Variants in CD109 observed in about 807,000 individuals in gnomAD.
CD109 encodes CD109 molecule.
CD109 carries 149 observed loss-of-function variants against 165.8 expected under a neutral mutation model. The observed-to-expected ratio is 0.90, with a 90% confidence interval of 0.79 to 1.03. CD109 has a LOEUF of 1.03. CD109 is among the 50% of genes least tolerant of loss of function. The pLI is 0.00. For missense variants in CD109, 1,712 were observed against 1,677.8 expected (o/e 1.02, Z -0.36); for synonymous variants, 585 against 592.1 (o/e 0.99, Z 0.18).
In CD109 at chr6:73,763,626, A is replaced by G. The variant is rs912040605; in HGVS notation, c.1048A>G (p.Ile350Val). 6.3e-6 allele frequency: 10 copies of G among 1,597,246 alleles called. No homozygotes were observed. Among genetic ancestry groups the G allele is most frequent in the Middle Eastern group, 1.7e-4 (1 of 6,018 alleles). Residue 350 changes from isoleucine (I) to valine (V), a missense_variant, in exon 10 of 33, where the codon ATC becomes GTC. Coordinates refer to ENST00000287097, the MANE Select transcript of CD109 (RefSeq NM_133493.5). ...TNVFFKQHDY[I>V]IEFFDYTTVL... Reference sequence around the variant, plus strand: ...TGTGTTCTTCAAGCAACATGATTACATCATTGAGTTTTTTGATTATACTAC... The same window carrying G: ...TGTGTTCTTCAAGCAACATGATTACGTCATTGAGTTTTTTGATTATACTAC...
intron 15 of CD109, among the ~76,000 whole-genome samples, chr6:73,778,440 A>G (rs754009235): frequency 1.2e-4 from 18 of 152,056 alleles, no homozygotes; most frequent in Non-Finnish European, 2.1e-4. Flanking sequence ...TTCTAGTACT[A>G]TGTTGAATAG....
chr6:73,707,962 T>TCTATATATA (rs1771349408), intron 2 of CD109, among the ~76,000 whole-genome samples: 1 of 126,820 alleles, frequency 7.9e-6, no homozygotes, highest in South Asian at 2.6e-4. Context: ...ATTGTTATCT[T>TCTATATATA]TATATATATA....
At chr6:73,812,106 T>TCGCCGTA in intron 28 of CD109, 99 bp from the exon 29 acceptor site, 1 of 707,486 alleles carries the variant, frequency 1.4e-6, no homozygotes, top group South Asian at 2.1e-5. Context: ...CAGTGATTGC[T>TCGCCGTA]TCTTTTCCTA....
In CD109 at chr6:73,758,901, T is replaced by C. The variant is rs931317273; in HGVS notation, c.674-43T>C. On this transcript the variant is annotated intron_variant, in intron 6 of 32. Coordinates refer to ENST00000287097, the MANE Select transcript of CD109 (RefSeq NM_133493.5). Reference sequence around the variant, plus strand: ...TAAAAGATTTACCCTTGCTTCTTCGTCTCAAAAAGAAAAAAAGATTTACCC... The same window carrying C: ...TAAAAGATTTACCCTTGCTTCTTCGCCTCAAAAAGAAAAAAAGATTTACCC... 3 of 1,044,252 alleles carry C rather than the reference T, an allele frequency of 2.9e-6. No homozygotes were observed. In the African/African-American group the frequency reaches 4.7e-5, roughly 16 times the overall value. 64.7% of individuals were successfully genotyped at this position (1,044,252 alleles called of 1,614,324 possible).
intron 28 of CD109, among the ~76,000 whole-genome samples, chr6:73,811,434 T>G (rs1470803767): frequency 6.6e-6 from 1 of 152,148 alleles, no homozygotes; most frequent in African/African-American, 2.4e-5. Context: ...TGTGCTAGAT[T>G]ACTTTACGTA....
At chr6:73,721,615 C>T (rs1004156436) in intron 2 of CD109, among the ~76,000 whole-genome samples, 4 of 152,106 alleles carry the variant, frequency 2.6e-5, no homozygotes, top group African/African-American at 2.4e-5. Context: ...CCACCCGCCT[C>T]GGCCTCCCAA....
the CD109 span, among the ~76,000 whole-genome samples, chr6:73,684,320 G>A: frequency 6.6e-6 from 1 of 150,596 alleles, no homozygotes; most frequent in African/African-American, 2.4e-5. Flanking sequence ...CTCAGGCTCA[G>A]ATGATCCTCC....
At position 73,717,871 on chromosome 6, in the gene CD109, G is replaced by A. The variant is rs576551839; in HGVS notation, c.248-5380G>A. On this transcript the variant is annotated intron_variant, in intron 2 of 32. Coordinates refer to ENST00000287097, the MANE Select transcript of CD109 (RefSeq NM_133493.5). ...CCTGACCTCGTGATCCGCCCACCTCGGCCTCCCAAAGTGCTGGGATTACAG... is the reference window on the plus strand; with the variant it reads ...CCTGACCTCGTGATCCGCCCACCTCAGCCTCCCAAAGTGCTGGGATTACAG... Among the ~76,000 whole-genome samples, 104 of 151,654 alleles carry A rather than the reference G, an allele frequency of 6.9e-4. 1 individual carries two copies. Among genetic ancestry groups the A allele is most frequent in the African/African-American group, 2.3e-3 (94 of 41,408 alleles).
intron 14 of CD109, among the ~76,000 whole-genome samples, chr6:73,769,696 A>G (rs1449844320): frequency 6.6e-6 from 1 of 152,242 alleles, no homozygotes; most frequent in Non-Finnish European, 1.5e-5. Context: ...AGGAGCGGCA[A>G]GAGATTTAGG....
At chr6:73,751,549 G>T (rs1165916242) in intron 5 of CD109, among the ~76,000 whole-genome samples, 1 of 152,108 alleles carries the variant, frequency 6.6e-6, no homozygotes, top group Non-Finnish European at 1.5e-5. Flanking sequence ...TGCTTTCTCT[G>T]ATCCTGAACA....
At chr6:73,762,312 A>G in intron 7 of CD109, 72 bp from the exon 8 acceptor site, 1 of 972,012 alleles carries the variant, frequency 1.0e-6, no homozygotes, top group Non-Finnish European at 1.6e-6. Context: ...TATGCTATTG[A>G]AAGTAGTATT....
chr6:73,770,357 C>T lies in CD109; in HGVS notation c.1675-1072C>T, dbSNP rs77507153. On this transcript the variant is annotated intron_variant, in intron 14 of 32. Transcript: ENST00000287097. Reference sequence around the variant, plus strand: ...AGGAAGAAGCCTGTCTTTGTAAAGTCGAGTCAACTTGAGGGGAATGTTAAG... The same window carrying T: ...AGGAAGAAGCCTGTCTTTGTAAAGTTGAGTCAACTTGAGGGGAATGTTAAG... 7.2e-3 allele frequency among the ~76,000 whole-genome samples: 1,100 copies of T among 152,300 alleles called. 6 individuals are homozygous for T. Among genetic ancestry groups the T allele is most frequent in the Middle Eastern group, 0.058 (17 of 294 alleles).
chr6:73,775,199 G>C (rs1473782368), intron 15 of CD109, among the ~76,000 whole-genome samples: 1 of 151,476 alleles, frequency 6.6e-6, no homozygotes, highest in Admixed American at 6.6e-5. Context: ...ATATATATAT[G>C]TATATATGTA....
chr6:73,744,916 A>G lies in CD109; in HGVS notation c.633+8408A>G, dbSNP rs76004863. On this transcript the variant is annotated intron_variant, in intron 5 of 32. Transcript: ENST00000287097. ...GTACATAGGATAGGGACTCAGTGCTATAGATGATCTTAGAGGTCGCCTAGA... is the reference window on the plus strand; with the variant it reads ...GTACATAGGATAGGGACTCAGTGCTGTAGATGATCTTAGAGGTCGCCTAGA... Among the ~76,000 whole-genome samples the G allele has an allele frequency of 2.3e-3, 345 of 152,308 alleles. 7 individuals carry two copies. In the East Asian group the frequency reaches 0.042, roughly 18 times the overall value.
At chr6:73,816,874 C>T (rs1313066941) in intron 30 of CD109, among the ~76,000 whole-genome samples, 1 of 152,142 alleles carries the variant, frequency 6.6e-6, no homozygotes, top group Admixed American at 6.6e-5. Context: ...AGAATTCAGA[C>T]TGTGAAGAGG....
rs181190816 is a variant in CD109 at position 73,768,835 on chromosome 6, T to C, written c.1674+604T>C. On this transcript the variant is annotated intron_variant, in intron 14 of 32. Coordinates refer to ENST00000287097, the MANE Select transcript of CD109 (RefSeq NM_133493.5). ...AAAGAAACCTGATTGCATCATCTCA[T>C]GTATATAAGAATGAGCCATTGCTGT... Among the ~76,000 whole-genome samples, 445 of 152,284 alleles carry C rather than the reference T, an allele frequency of 2.9e-3. 1 individual carries two copies. Among genetic ancestry groups the C allele is most frequent in the African/African-American group, 0.01 (429 of 41,558 alleles).
At chr6:73,781,088 C>CGT (rs1359125281) in intron 16 of CD109, among the ~76,000 whole-genome samples, 171 bp from the exon 17 acceptor site, 2 of 146,558 alleles carry the variant, frequency 1.4e-5, no homozygotes, top group Non-Finnish European at 3.0e-5. Flanking sequence ...TGTGTGTGTG[C>CGT]GTGTGTGTGT....
rs895375651 is a variant in CD109 at position 73,808,120 on chromosome 6, A to G, written c.3227A>G (p.Glu1076Gly). The change falls in exon 26 of 33, where the codon GAG becomes GGG. Residue 1076 changes from glutamate to glycine, a missense_variant. Transcript: ENST00000287097. ...GTGCAAGAGTCTATCCATTTTTTGGAGTCTGAATTCAGTAGAGGAATTTCA... is the reference window on the plus strand; with the variant it reads ...GTGCAAGAGTCTATCCATTTTTTGGGGTCTGAATTCAGTAGAGGAATTTCA... ...IDVQESIHFL[E>G]SEFSRGISDN... 6.2e-7 allele frequency: 1 copy of G among 1,613,058 alleles called. No homozygotes were observed. The highest frequency in any genetic ancestry group is 8.5e-7 in the Non-Finnish European group (1 of 1,179,546).
intron 25 of CD109, among the ~76,000 whole-genome samples, chr6:73,807,639 A>G (rs1036785568): frequency 5.9e-5 from 9 of 152,260 alleles, no homozygotes; most frequent in Non-Finnish European, 1.2e-4. Flanking sequence ...GCTGCATTTT[A>G]TGAGATCACC....
Sources: gnomAD v4.1 joint callset for allele counts (sites outside exome capture counted in the v4.1 genomes callset) on GRCh38, gnomAD v4.1.1 for gene constraint, MANE v1.5 for transcripts, NCBI Gene and HGNC (gene_info 2026-07-23, HGNC 2026-07-21) for gene names.